PPM1D: variants seen among roughly 807,000 people sequenced by gnomAD.
The protein encoded by PPM1D is protein phosphatase, Mg2+/Mn2+ dependent 1D.
A neutral mutation model predicts 58.3 loss-of-function variants in PPM1D; 52 were observed. That is an observed-to-expected ratio of 0.89 (90% CI 0.71 to 1.12). The LOEUF is 1.12. Ranked by LOEUF, PPM1D falls within the 50% of genes most tolerant of loss-of-function variation. The probability of loss-of-function intolerance (pLI) is 0.00; values close to 1 mark genes in which losing one functional copy is unlikely to be tolerated. For missense variants in PPM1D, 564 were observed against 777.2 expected, an observed-to-expected ratio of 0.73 and a Z score of 3.26; for synonymous variants, 278 against 285.1, an observed-to-expected ratio of 0.98 and a Z score of 0.25.
chr17:60,632,726 G>C (rs1178180892), intron 2 of PPM1D, among the ~76,000 whole-genome samples: 1 of 152,124 alleles, frequency 6.6e-6, no homozygotes, highest in East Asian at 1.9e-4. Flanking sequence ...TGGCCCACGT[G>C]GTGGCTCCCA....
rs1555645340 is a variant in PPM1D at position 60,619,983 on chromosome 17, G to GTTTTGT, written c.473-3535_473-3534insTGTTTT. Among the ~76,000 whole-genome samples, 332 of 149,542 alleles carry GTTTTGT rather than the reference G, an allele frequency of 2.2e-3. 1 individual carries two copies. Among genetic ancestry groups the GTTTTGT allele is most frequent in the African/African-American group, 7.8e-3 (315 of 40,134 alleles). On this transcript the variant is annotated intron_variant, in intron 1 of 5. Transcript: ENST00000305921. ...ATTTGCCCAGTTTTTTTTTGTTTTT[G>GTTTTGT]TTTGTTTTGTTTTGTTTTGTTTTGT...
At chr17:60,621,143 G>C (rs966838772) in intron 1 of PPM1D, among the ~76,000 whole-genome samples, 1 of 151,804 alleles carries the variant, frequency 6.6e-6, no homozygotes, top group Non-Finnish European at 1.5e-5. Flanking sequence ...GGTTGGTCTC[G>C]AACTCCTGAC....
intron 3 of PPM1D, among the ~76,000 whole-genome samples, chr17:60,644,375 A>G (rs576896459): frequency 9.2e-5 from 14 of 152,230 alleles, no homozygotes; most frequent in African/African-American, 1.4e-4. Flanking sequence ...GGCTCAAGCA[A>G]TCCTCCTGTC....
rs117484086 is a variant in PPM1D at position 60,601,003 on chromosome 17, G to T, written c.472+117G>T. The T allele has an allele frequency of 3.6e-3, 5,170 of 1,429,798 alleles. 11 individuals carry two copies. Among genetic ancestry groups the T allele is most frequent in the Non-Finnish European group, 4.5e-3 (4,763 of 1,056,848 alleles). The allele number at this position is 1,429,798 out of a possible 1,614,324, so 88.6% of individuals were successfully genotyped here. A position where few individuals can be genotyped will look rare whatever the true frequency, so the allele number is the denominator to read the frequency against. ...AGCGCAACCAAAGTATACACTGATG[G>T]AAGTGACTAAAAGCTGTAATAGCGC... On this transcript the variant is annotated intron_variant, in intron 1 of 5. Coordinates refer to ENST00000305921, the MANE Select transcript of PPM1D (RefSeq NM_003620.4).
chr17:60,633,928 G>A lies in PPM1D; in HGVS notation c.777G>A (p.Arg259=). The change falls in exon 3 of 6, where the codon AGG becomes AGA. Residue 259 remains arginine, a synonymous_variant. Coordinates refer to ENST00000305921, the MANE Select transcript of PPM1D (RefSeq NM_003620.4). ...TCACTCACAATGGACCTGTTAGAAG[G>A]AGCACAGTTATTGACCAGATTCCTT... is the stretch of plus-strand genomic sequence containing the variant. ...PRLTHNGPVR[R]STVIDQIPFL... 1 of 1,613,946 alleles carries A rather than the reference G, an allele frequency of 6.2e-7. No homozygotes were observed. The highest frequency in any genetic ancestry group is 8.5e-7 in the Non-Finnish European group (1 of 1,179,884).
chr17:60,663,534 A>C lies in PPM1D; in HGVS notation c.1800A>C (p.Lys600Asn). ...IGNPLLHQHRKTVCVC is the reference protein window; with the variant it reads ...IGNPLLHQHRNTVCVC ...ATCCTTTACTTCATCAACACAGGAAAACTGTTTGTGTTTGCTGAAATGCAT... is the reference window on the plus strand; with the variant it reads ...ATCCTTTACTTCATCAACACAGGAACACTGTTTGTGTTTGCTGAAATGCAT... The change falls in exon 6 of 6, where the codon AAA becomes AAC. Residue 600 changes from lysine to asparagine, a missense_variant. Coordinates refer to ENST00000305921, the MANE Select transcript of PPM1D (RefSeq NM_003620.4). 1 of 1,608,834 alleles carries C rather than the reference A, an allele frequency of 6.2e-7. No homozygotes were observed. The highest frequency in any genetic ancestry group is 8.5e-7 in the Non-Finnish European group (1 of 1,179,514).
chr17:60,658,668 T>A lies in PPM1D; in HGVS notation c.1260+1827T>A, dbSNP rs1317445215. On this transcript the variant is annotated intron_variant, in intron 5 of 5. Coordinates refer to ENST00000305921, the MANE Select transcript of PPM1D (RefSeq NM_003620.4). Reference sequence around the variant, plus strand: ...CATCTCAAAAAAAAAAAAAAAAAAATTCCTTAAATTCTGGGCTGGGCGTGG... The same window carrying A: ...CATCTCAAAAAAAAAAAAAAAAAAAATCCTTAAATTCTGGGCTGGGCGTGG... 7.5e-5 allele frequency among the ~76,000 whole-genome samples: 11 copies of A among 146,198 alleles called. 1 individual carries two copies. Among genetic ancestry groups the A allele is most frequent in the Admixed American group, 1.4e-4 (2 of 14,624 alleles).
At position 60,600,303 on chromosome 17, in the gene PPM1D, C is replaced by A; in HGVS notation, c.-112C>A. The A allele has an allele frequency of 6.9e-7, 1 of 1,459,556 alleles. No homozygotes were observed. Among genetic ancestry groups the A allele is most frequent in the Non-Finnish European group, 9.0e-7 (1 of 1,112,820 alleles). The allele number at this position is 1,459,556 out of a possible 1,614,324, so 90.4% of individuals were successfully genotyped here. ...CCTTCTCCGGGTCCGCCCCCTCCCCCTTCTCGGCGTCGTCGAAGATAAACA... is the reference window on the plus strand; with the variant it reads ...CCTTCTCCGGGTCCGCCCCCTCCCCATTCTCGGCGTCGTCGAAGATAAACA... On this transcript the variant is annotated 5_prime_UTR_variant, in exon 1 of 6. Coordinates refer to ENST00000305921, the MANE Select transcript of PPM1D (RefSeq NM_003620.4).
intron 4 of PPM1D, among the ~76,000 whole-genome samples, chr17:60,649,068 A>G (rs1416829722): frequency 6.6e-6 from 1 of 151,322 alleles, no homozygotes; most frequent in Non-Finnish European, 1.5e-5. Flanking sequence ...CTCCATCACC[A>G]CTACTTCTAC....
intron 3 of PPM1D, among the ~76,000 whole-genome samples, chr17:60,634,463 A>G (rs921093551): frequency 6.6e-6 from 1 of 152,158 alleles, no homozygotes; most frequent in African/African-American, 2.4e-5. Context: ...CCCTTTGTTC[A>G]TGAGTCACGT....
chr17:60,615,960 G>C (rs547202042), intron 1 of PPM1D, among the ~76,000 whole-genome samples: 2 of 152,100 alleles, frequency 1.3e-5, no homozygotes, highest in East Asian at 3.9e-4. Flanking sequence ...CAAGTAGCTG[G>C]GACTGCAGGC....
At chr17:60,637,433 T>C (rs1052679698) in intron 3 of PPM1D, among the ~76,000 whole-genome samples, 2 of 152,060 alleles carry the variant, frequency 1.3e-5, no homozygotes, top group African/African-American at 4.8e-5. Flanking sequence ...ACTGAGCAGC[T>C]GGAAAAATGG....
intron 3 of PPM1D, among the ~76,000 whole-genome samples, chr17:60,635,614 A>C (rs1318716015): frequency 6.6e-6 from 1 of 152,198 alleles, no homozygotes; most frequent in East Asian, 1.9e-4. Context: ...AGATGATAAT[A>C]TTTCTACAGT....
intron 4 of PPM1D, among the ~76,000 whole-genome samples, chr17:60,651,375 T>G (rs1272449759): frequency 1.3e-5 from 2 of 151,914 alleles, no homozygotes; most frequent in African/African-American, 4.8e-5. Context: ...AAATGGTATA[T>G]CACAGTTCAA....
intron 3 of PPM1D, among the ~76,000 whole-genome samples, chr17:60,642,130 A>G (rs1288785687): frequency 2.0e-5 from 3 of 152,194 alleles, no homozygotes; most frequent in Non-Finnish European, 4.4e-5. Flanking sequence ...ATTAGATAGA[A>G]TCATATAGAC....
chr17:60,631,042 C>A (rs1037005940), intron 2 of PPM1D, among the ~76,000 whole-genome samples: 2 of 152,192 alleles, frequency 1.3e-5, no homozygotes, highest in South Asian at 4.1e-4. Flanking sequence ...TATATCAGAA[C>A]TTATTTAAAC....
rs537342409 is a variant in PPM1D at position 60,605,641 on chromosome 17, G to A, written c.472+4755G>A. 6.6e-5 allele frequency among the ~76,000 whole-genome samples: 10 copies of A among 152,298 alleles called. No homozygotes were observed. In the East Asian group the frequency reaches 1.7e-3, roughly 26 times the overall value. On this transcript the variant is annotated intron_variant, in intron 1 of 5. Coordinates refer to ENST00000305921, the MANE Select transcript of PPM1D (RefSeq NM_003620.4). ...TACCAGGCCAGGCGTGGTGGCTCAC[G>A]CCTGTAATCCCAGCAATTTGGGAGG...
At chr17:60,625,954 C>T (rs2030798570) in intron 2 of PPM1D, among the ~76,000 whole-genome samples, 2 of 152,110 alleles carry the variant, frequency 1.3e-5, no homozygotes, top group Admixed American at 6.6e-5. Context: ...AAGGCCACCT[C>T]GTTCCCCTCC....
chr17:60,639,939 GA>G (rs1227558935), intron 3 of PPM1D, among the ~76,000 whole-genome samples: 2 of 152,204 alleles, frequency 1.3e-5, no homozygotes, highest in East Asian at 1.9e-4. Context: ...TAGGAACTCT[GA>G]TGAAGGGCAG....
Sources: allele counts gnomAD v4.1 joint callset (sites outside exome capture counted in the v4.1 genomes callset), GRCh38; gene constraint gnomAD v4.1.1; transcripts MANE v1.5; gene names NCBI Gene and HGNC (gene_info 2026-07-23, HGNC 2026-07-21).